Variants in HOMER1 observed in about 807,000 individuals in gnomAD.
HOMER1 encodes the protein homer protein homolog 1.
In HOMER1, 3 loss-of-function variants were observed where a neutral mutation model predicts 48.9. The observed-to-expected ratio is 0.06, with a 90% confidence interval of 0.03 to 0.16. The LOEUF (loss-of-function observed/expected upper bound fraction) is 0.16. HOMER1 is among the 10% of genes least tolerant of loss of function. HOMER1 has a pLI of 1.00. For synonymous variants in HOMER1, 134 were observed against 146.4 expected, an observed-to-expected ratio of 0.92 and a Z score of 0.61; for missense variants, 247 against 411.4, an observed-to-expected ratio of 0.60 and a Z score of 3.46.
At chr5:79,409,221 C>A (rs1424941769) in intron 5 of HOMER1, among the ~76,000 whole-genome samples, 1 of 151,640 alleles carries the variant, frequency 6.6e-6, no homozygotes, top group Non-Finnish European at 1.5e-5. Context: ...TCACTTGAGG[C>A]CAGGAGTTTG....
intron 5 of HOMER1, among the ~76,000 whole-genome samples, chr5:79,428,275 G>C (rs182041433): frequency 1.8e-4 from 28 of 152,140 alleles, no homozygotes; most frequent in African/African-American, 6.5e-4. Context: ...GAAAAACTAG[G>C]AATATAGGGG....
chr5:79,446,971 C>T (rs531756040), intron 4 of HOMER1, 82 bp downstream of exon 4: 1 of 893,770 alleles, frequency 1.1e-6, no homozygotes, highest in African/African-American at 1.6e-5. Context: ...TCTGTGTGTA[C>T]TTTGGAGATT....
At chr5:79,394,480 A>G (rs1352216133) in intron 8 of HOMER1, among the ~76,000 whole-genome samples, 1 of 152,328 alleles carries the variant, frequency 6.6e-6, no homozygotes, top group East Asian at 1.9e-4. Flanking sequence ...TTTTGATAAT[A>G]TTTTTGATAT....
intron 7 of HOMER1, 104 bp downstream of exon 7, chr5:79,397,423 C>T (rs942756412): frequency 7.9e-6 from 6 of 760,560 alleles, no homozygotes; most frequent in African/African-American, 5.4e-5. Context: ...AAAGAGGTCA[C>T]AACCTGACTT....
intron 8 of HOMER1, among the ~76,000 whole-genome samples, chr5:79,387,069 TTCTC>T (rs766145471): frequency 0.031 from 4,071 of 132,322 alleles, 93 homozygotes; most frequent in Non-Finnish European, 0.048. Context: ...TTTCCTTTCT[TTCTC>T]TATCTCTCTC....
At chr5:79,512,155 AG>A (rs1752962245) in intron 1 of HOMER1, among the ~76,000 whole-genome samples, 1 of 152,246 alleles carries the variant, frequency 6.6e-6, no homozygotes, top group African/African-American at 2.4e-5. Flanking sequence ...GGAGTGAACA[AG>A]TTCCTTAAAC....
At chr5:79,456,032 G>A (rs1404122145) in intron 2 of HOMER1, among the ~76,000 whole-genome samples, 1 of 151,578 alleles carries the variant, frequency 6.6e-6, no homozygotes, top group Non-Finnish European at 1.5e-5. Flanking sequence ...GCGCACGCCT[G>A]TAATACCAGC....
At chr5:79,510,224 G>A (rs1561393319) in intron 1 of HOMER1, among the ~76,000 whole-genome samples, 2 of 151,532 alleles carry the variant, frequency 1.3e-5, no homozygotes, top group African/African-American at 4.8e-5. Flanking sequence ...CAAAATGCTC[G>A]CTCCTTTTTC....
At chr5:79,471,157 A>G in intron 1 of HOMER1, among the ~76,000 whole-genome samples, 1 of 152,282 alleles carries the variant, frequency 6.6e-6, no homozygotes, top group Non-Finnish European at 1.5e-5. Flanking sequence ...AATAATATAT[A>G]ATTTTAAAAT....
At chr5:79,492,991 T>C (rs543606990) in intron 1 of HOMER1, among the ~76,000 whole-genome samples, 43 of 139,736 alleles carry the variant, frequency 3.1e-4, no homozygotes, top group African/African-American at 1.1e-3. Context: ...CGATCGTGGC[T>C]CAATGTAACC....
At chr5:79,434,185 T>C (rs1414433459) in intron 5 of HOMER1, among the ~76,000 whole-genome samples, 4 of 152,126 alleles carry the variant, frequency 2.6e-5, no homozygotes, top group Admixed American at 6.5e-5. Flanking sequence ...TATTTATCTA[T>C]ATTGTACCAT....
At chr5:79,426,145 A>T (rs80122230) in intron 5 of HOMER1, among the ~76,000 whole-genome samples, 1 of 152,000 alleles carries the variant, frequency 6.6e-6, no homozygotes, top group South Asian at 2.1e-4. Flanking sequence ...GTGAGGATAG[A>T]AAGTGGAAAG....
intron 5 of HOMER1, among the ~76,000 whole-genome samples, chr5:79,424,834 A>G (rs1201282669): frequency 6.6e-6 from 1 of 152,096 alleles, no homozygotes; most frequent in East Asian, 1.9e-4. Flanking sequence ...AACCAACAGA[A>G]ATCTTTCTCC....
chr5:79,461,145 G>A (rs371906458), intron 1 of HOMER1, among the ~76,000 whole-genome samples: 1 of 152,180 alleles, frequency 6.6e-6, no homozygotes, highest in Admixed American at 6.5e-5. Context: ...AAGCATGTCC[G>A]TAATTTCCAT....
At chr5:79,456,714 CTTAAT>C in intron 2 of HOMER1, 143 bp downstream of exon 2, 1 of 658,212 alleles carries the variant, frequency 1.5e-6, no homozygotes, top group Non-Finnish European at 2.5e-6. Flanking sequence ...ATGTTGCTAC[CTTAAT>C]AATCCATTTT....
chr5:79,444,732 T>C (rs191369365), intron 4 of HOMER1, among the ~76,000 whole-genome samples: 1 of 152,294 alleles, frequency 6.6e-6, no homozygotes, highest in African/African-American at 2.4e-5. Flanking sequence ...TTGAGTACTC[T>C]TTTACTGAAT....
intron 5 of HOMER1, among the ~76,000 whole-genome samples, chr5:79,402,281 C>A (rs1580426277): frequency 6.6e-6 from 1 of 151,728 alleles, no homozygotes; most frequent in Non-Finnish European, 1.5e-5. Flanking sequence ...TTCTCCTGCC[C>A]CAGCCTCCTG....
intron 5 of HOMER1, among the ~76,000 whole-genome samples, chr5:79,405,586 A>C (rs1749642465): frequency 6.6e-6 from 1 of 152,060 alleles, no homozygotes; most frequent in Non-Finnish European, 1.5e-5. Context: ...AATCTATCAG[A>C]TTGCATTTTT....
chr5:79,451,910 C>T (rs967069702), intron 2 of HOMER1, among the ~76,000 whole-genome samples: 3 of 152,078 alleles, frequency 2.0e-5, no homozygotes, highest in Admixed American at 6.6e-5. Context: ...AGCTGATTTA[C>T]CTGAAATACA....
Sources: allele counts gnomAD v4.1 joint callset (sites outside exome capture counted in the v4.1 genomes callset), GRCh38; gene constraint gnomAD v4.1.1; transcripts MANE v1.5; gene names NCBI Gene and HGNC (gene_info 2026-07-23, HGNC 2026-07-21).